MAPK6: variants seen among roughly 807,000 people sequenced by gnomAD.
The protein encoded by MAPK6 is mitogen-activated protein kinase 6.
Under a neutral mutation model 59.3 loss-of-function variants are expected in MAPK6, and 19 were observed. That is an observed-to-expected ratio of 0.32 (90% CI 0.22 to 0.47). MAPK6 has a LOEUF of 0.47. MAPK6 is among the 20% of genes least tolerant of loss of function. The pLI is 1.00. For missense variants in MAPK6, 724 were observed against 847.9 expected (o/e 0.85, Z 1.81); for synonymous variants, 316 against 290.3 (o/e 1.09, Z -0.90).
rs904289798 is a variant in MAPK6 at position 51,976,116 on chromosome 15, A to C, written c.-880+4210A>C. Among the ~76,000 whole-genome samples, 3 of 149,272 alleles carry C rather than the reference A, an allele frequency of 2.0e-5. No individual in the cohort carries two copies. In the East Asian group the frequency reaches 5.8e-4, roughly 29 times the overall value. On this transcript the variant is annotated intron_variant, in intron 1 of 7. Coordinates refer to the MAPK6 transcript ENST00000691380. ...CCCATCTGTACTAAAAATATAAAAA[A>C]TTTGCCGGGCGTGGTGGCACATGCC...
intron 2 of MAPK6, among the ~76,000 whole-genome samples, chr15:51,999,902 C>T (rs1436466138): frequency 6.6e-6 from 1 of 152,024 alleles, no homozygotes; most frequent in Non-Finnish European, 1.5e-5. Context: ...TCTTGGCCTC[C>T]TAAAGTGCTG....
chr15:52,060,739 T>C (rs1372246913), intron 4 of MAPK6, among the ~76,000 whole-genome samples: 1 of 152,184 alleles, frequency 6.6e-6, no homozygotes, highest in Non-Finnish European at 1.5e-5. Context: ...TGAACTATGC[T>C]GGAGTGTGAT....
Position 52,065,233 on chromosome 15 carries a change from G to A in MAPK6, c.*233G>A, listed in dbSNP as rs893382467. On this transcript the variant is annotated 3_prime_UTR_variant, in exon 6 of 6. Coordinates refer to ENST00000261845, the MANE Select transcript of MAPK6 (RefSeq NM_002748.4). ...AAAGACTAGAGCAAAATAATGCAAC[G>A]CAGGAGGAGAAAAGAAATGCACTAA... 7 of 402,194 alleles carry A rather than the reference G, an allele frequency of 1.7e-5. No individual in the cohort carries two copies. Among genetic ancestry groups the A allele is most frequent in the Admixed American group, 4.1e-5 (1 of 24,276 alleles). 24.9% of individuals were successfully genotyped at this position (402,194 alleles called of 1,614,324 possible). A position where few individuals can be genotyped will look rare whatever the true frequency, so the allele number is the denominator to read the frequency against.
intron 1 of MAPK6, among the ~76,000 whole-genome samples, chr15:52,022,372 T>C (rs1011474916): frequency 1.3e-5 from 2 of 152,182 alleles, no homozygotes; most frequent in Non-Finnish European, 1.5e-5. Context: ...GTGATCTTCC[T>C]GCCTCAGCCT....
chr15:52,024,090 G>A (rs1366968488), intron 1 of MAPK6, among the ~76,000 whole-genome samples: 2 of 152,102 alleles, frequency 1.3e-5, no homozygotes, highest in Non-Finnish European at 2.9e-5. Context: ...TAGAATCCTA[G>A]CATTTACCTC....
chr15:51,993,214 A>G (rs1198328584), intron 2 of MAPK6, among the ~76,000 whole-genome samples: 1 of 152,182 alleles, frequency 6.6e-6, no homozygotes, highest in Non-Finnish European at 1.5e-5. Flanking sequence ...TCTGTATCAT[A>G]TGCACCTGTC....
chr15:52,050,375 C>A (rs2031738546), intron 3 of MAPK6, among the ~76,000 whole-genome samples: 1 of 151,962 alleles, frequency 6.6e-6, no homozygotes, highest in African/African-American at 2.4e-5. Context: ...TTTTGTGGAC[C>A]CATAATACTT....
upstream of MAPK6, among the ~76,000 whole-genome samples, chr15:52,015,663 G>A (rs1260296175): frequency 3.3e-5 from 5 of 151,100 alleles, 1 homozygote; most frequent in Admixed American, 3.3e-4. Context: ...TTTTAGTAGA[G>A]ATGGGGTTTT....
intron 1 of MAPK6, among the ~76,000 whole-genome samples, chr15:52,027,349 CAA>C (rs71130120): frequency 4.3e-4 from 21 of 49,190 alleles, no homozygotes; most frequent in African/African-American, 1.4e-3. Flanking sequence ...GACTCCCTCT[CAA>C]AAAAAAAAAA....
intron 3 of MAPK6, among the ~76,000 whole-genome samples, chr15:52,051,427 G>T (rs1162598858): frequency 2.4e-5 from 2 of 83,322 alleles, no homozygotes; most frequent in African/African-American, 3.1e-5. Flanking sequence ...AAAGGAATAG[G>T]CCAGAGTCTA....
intron 3 of MAPK6, among the ~76,000 whole-genome samples, chr15:52,056,376 C>A (rs1246115189): frequency 2.0e-5 from 3 of 151,988 alleles, no homozygotes; most frequent in Admixed American, 6.5e-5. Context: ...TCTGTCCTGA[C>A]CCCACAGTCC....
intron 1 of MAPK6, among the ~76,000 whole-genome samples, chr15:52,044,925 C>CT (rs2031551470): frequency 1.4e-5 from 2 of 140,188 alleles, no homozygotes; most frequent in African/African-American, 2.7e-5. Context: ...ATTTTTTTTT[C>CT]CTTTTTTTTT....
chr15:52,050,639 C>T (rs1477736808), intron 3 of MAPK6, among the ~76,000 whole-genome samples: 1 of 152,092 alleles, frequency 6.6e-6, no homozygotes, highest in Admixed American at 6.5e-5. Context: ...AAGCATAGGT[C>T]TGTATAAAAT....
intron 2 of MAPK6, among the ~76,000 whole-genome samples, chr15:51,994,983 T>C (rs909094902): frequency 6.6e-6 from 1 of 152,192 alleles, no homozygotes; most frequent in Non-Finnish European, 1.5e-5. Context: ...ATTGTGATGA[T>C]TGTGCTGGAG....
chr15:51,973,506 T>C (rs2141796730), intron 1 of MAPK6, among the ~76,000 whole-genome samples: 1 of 152,046 alleles, frequency 6.6e-6, no homozygotes, highest in South Asian at 2.1e-4. Context: ...AGTGCCTGGC[T>C]AAATCTTAAT....
At chr15:52,023,106 C>CAA (rs60315520) in intron 1 of MAPK6, among the ~76,000 whole-genome samples, 3,836 of 66,222 alleles carry the variant, frequency 0.058, 205 homozygotes, top group Non-Finnish European at 0.068. Context: ...GACTCCGTCT[C>CAA]AAAAAAAAAA....
At chr15:52,045,748 G>A (rs745768697) in intron 1 of MAPK6, 82 bp from the exon 2 acceptor site, 21 of 152,604 alleles carry the variant, frequency 1.4e-4, no homozygotes, top group Non-Finnish European at 5.9e-5. Flanking sequence ...ATTGCTAAAT[G>A]CCTACTTTGT....
chr15:51,977,030 G>A (rs1337029719), intron 1 of MAPK6, among the ~76,000 whole-genome samples: 2 of 151,570 alleles, frequency 1.3e-5, no homozygotes, highest in African/African-American at 4.8e-5. Context: ...GGGGGATGGA[G>A]TCTCTCTCTG....
At chr15:51,988,741 T>C (rs888836780) in intron 2 of MAPK6, among the ~76,000 whole-genome samples, 1 of 145,590 alleles carries the variant, frequency 6.9e-6, no homozygotes, top group Non-Finnish European at 1.5e-5. Context: ...AAAAAAAAAA[T>C]ACACACACAC....
Sources: allele counts gnomAD v4.1 joint callset (sites outside exome capture counted in the v4.1 genomes callset), GRCh38; gene constraint gnomAD v4.1.1; transcripts MANE v1.5; gene names NCBI Gene and HGNC (gene_info 2026-07-23, HGNC 2026-07-21).